Variants in KCNMA1 observed in about 807,000 individuals in gnomAD.
The protein encoded by KCNMA1 is Calcium-activated potassium channel subunit alpha-1.
A neutral mutation model predicts 140.0 loss-of-function variants in KCNMA1; 29 were observed. The ratio of observed to expected loss-of-function variants is 0.21; its 90% CI spans 0.15 to 0.28. KCNMA1 has a LOEUF of 0.28. KCNMA1 is among the 10% of genes least tolerant of loss of function. The pLI is 1.00. For missense variants in KCNMA1, 880 were observed against 1,602.2 expected (o/e 0.55, Z 7.70); for synonymous variants, 612 against 611.9 (o/e 1.00, Z 0.00).
At chr10:77,544,925 G>A (rs1230706180) in intron 1 of KCNMA1, among the ~76,000 whole-genome samples, 2 of 152,060 alleles carry the variant, frequency 1.3e-5, no homozygotes, top group African/African-American at 2.4e-5. Flanking sequence ...CATAAGCATT[G>A]TCTTCCAACA....
intron 25 of KCNMA1, chr10:76,903,816 G>C (rs1334913221): frequency 2.0e-5 from 3 of 152,174 alleles, no homozygotes; most frequent in African/African-American, 7.2e-5. Context: ...CCACATTCCA[G>C]ACGGTCACAC....
chr10:77,293,406 G>A (rs1332216329), intron 2 of KCNMA1, among the ~76,000 whole-genome samples: 2 of 152,122 alleles, frequency 1.3e-5, no homozygotes, highest in African/African-American at 2.4e-5. Context: ...AGAAACGGTG[G>A]TTCCCTTGAT....
chr10:77,266,704 C>A (rs534816549), intron 2 of KCNMA1, among the ~76,000 whole-genome samples: 1 of 152,256 alleles, frequency 6.6e-6, no homozygotes, highest in East Asian at 1.9e-4. Context: ...TCTTGAAAGA[C>A]CCCAAGGATG....
rs78392925 is a variant in KCNMA1 at position 77,138,234 on chromosome 10, A to T, written c.809-17186T>A. On this transcript the variant is annotated intron_variant, in intron 5 of 27. Transcript: ENST00000286628. ...CATTTTTTAAAAGTAAACAAATAGGACTTACTCACTTTACCTCTTTACTTT... is the reference window on the plus strand; with the variant it reads ...CATTTTTTAAAAGTAAACAAATAGGTCTTACTCACTTTACCTCTTTACTTT... 4.0e-3 allele frequency among the ~76,000 whole-genome samples: 614 copies of T among 152,266 alleles called. 6 individuals carry two copies. The highest frequency in any genetic ancestry group is 0.014 in the African/African-American group (599 of 41,554).
intron 1 of KCNMA1, among the ~76,000 whole-genome samples, chr10:77,573,504 C>T (rs1005922138): frequency 1.3e-5 from 2 of 152,144 alleles, no homozygotes; most frequent in African/African-American, 2.4e-5. Context: ...TCCTCCTCTA[C>T]AGCAGGAGAG....
At chr10:77,482,525 C>T (rs570954210) in intron 1 of KCNMA1, among the ~76,000 whole-genome samples, 25 of 152,164 alleles carry the variant, frequency 1.6e-4, no homozygotes, top group Non-Finnish European at 3.1e-4. Context: ...ATGCATGAGA[C>T]GGCATAAGGG....
intron 2 of KCNMA1, among the ~76,000 whole-genome samples, chr10:77,309,029 C>G (rs1381440943): frequency 1.3e-5 from 2 of 152,210 alleles, no homozygotes; most frequent in East Asian, 3.9e-4. Context: ...CTGTATTTCC[C>G]TTACCCAAAG....
intron 15 of KCNMA1, among the ~76,000 whole-genome samples, chr10:77,030,458 A>T (rs12146201): frequency 0.084 from 12,738 of 152,298 alleles, 671 homozygotes; most frequent in Non-Finnish European, 0.12. Context: ...GCTAAATACA[A>T]AAACATCAGG....
intron 2 of KCNMA1, among the ~76,000 whole-genome samples, chr10:77,322,131 A>C (rs1370694558): frequency 2.0e-5 from 3 of 152,176 alleles, no homozygotes; most frequent in African/African-American, 7.2e-5. Flanking sequence ...TGGCCTCTGC[A>C]ATCACCATGA....
intron 19 of KCNMA1, among the ~76,000 whole-genome samples, chr10:76,997,902 C>T (rs1002828785): frequency 4.6e-5 from 7 of 152,172 alleles, no homozygotes; most frequent in African/African-American, 2.4e-5. Flanking sequence ...TTCTAGCCTA[C>T]CATATTGAAC....
intron 14 of KCNMA1, among the ~76,000 whole-genome samples, chr10:77,060,957 T>A (rs908355357): frequency 6.6e-6 from 1 of 152,134 alleles, no homozygotes; most frequent in African/African-American, 2.4e-5. Context: ...CCCGCCACCA[T>A]GTTGACTCTA....
chr10:77,106,164 T>C, intron 9 of KCNMA1, among the ~76,000 whole-genome samples: 1 of 152,010 alleles, frequency 6.6e-6, no homozygotes, highest in African/African-American at 2.4e-5. Flanking sequence ...ACAGGCCCGG[T>C]GCTGATGACA....
At chr10:77,503,011 A>G (rs1410468368) in intron 1 of KCNMA1, among the ~76,000 whole-genome samples, 1 of 152,162 alleles carries the variant, frequency 6.6e-6, no homozygotes, top group Admixed American at 6.5e-5. Flanking sequence ...TAGCTGCTTG[A>G]GAGGCTGAAG....
chr10:76,873,382 C>T (rs1039473486), downstream of KCNMA1: 1 of 152,126 alleles, frequency 6.6e-6, no homozygotes, highest in Non-Finnish European at 1.5e-5. Flanking sequence ...AGCGTCATCA[C>T]CTCCTCAAAT....
chr10:77,372,994 G>A (rs1274853770), intron 2 of KCNMA1: 1 of 152,236 alleles, frequency 6.6e-6, no homozygotes, highest in Non-Finnish European at 1.5e-5. Context: ...TAAATAGCCA[G>A]ATTATGTGAA....
chr10:77,413,213 G>T (rs916589350), intron 1 of KCNMA1, among the ~76,000 whole-genome samples: 2 of 152,100 alleles, frequency 1.3e-5, no homozygotes, highest in African/African-American at 4.8e-5. Flanking sequence ...ATGACATCCT[G>T]TGGCACAGTT....
chr10:77,479,882 G>A (rs1291791045), intron 1 of KCNMA1, among the ~76,000 whole-genome samples: 1 of 152,130 alleles, frequency 6.6e-6, no homozygotes, highest in Admixed American at 6.5e-5. Flanking sequence ...TCCCTCAATT[G>A]GACTGTTAGC....
intron 14 of KCNMA1, among the ~76,000 whole-genome samples, 160 bp downstream of exon 14, chr10:77,072,937 A>G (rs946485034): frequency 3.3e-5 from 5 of 152,216 alleles, no homozygotes; most frequent in African/African-American, 1.2e-4. Context: ...CATAATTTTG[A>G]AAGAAGTTGG....
At position 77,306,813 on chromosome 10, in the gene KCNMA1, G is replaced by A. The variant is rs374075754; in HGVS notation, c.541-55557C>T. ...ACAGTGCTATCTAGGAGGTAGGACC[G>A]ATTAGGGCTGTCAGACCCAGCTTAC... On this transcript the variant is annotated intron_variant, in intron 2 of 27. Coordinates refer to ENST00000286628, the MANE Select transcript of KCNMA1 (RefSeq NM_001161352.2). Among the ~76,000 whole-genome samples the A allele has an allele frequency of 2.4e-4, 36 of 152,318 alleles. No individual in the cohort carries two copies. In the East Asian group the frequency reaches 3.1e-3, roughly 13 times the overall value.
Sources: allele counts gnomAD v4.1 joint callset (sites outside exome capture counted in the v4.1 genomes callset), GRCh38; gene constraint gnomAD v4.1.1; transcripts MANE v1.5; gene names NCBI Gene and HGNC (gene_info 2026-07-23, HGNC 2026-07-21).